E2F5: variants seen among roughly 807,000 people sequenced by gnomAD.
The protein encoded by E2F5 is E2F transcription factor 5.
A neutral mutation model predicts 39.1 loss-of-function variants in E2F5; 23 were observed. The ratio of observed to expected loss-of-function variants is 0.59; its 90% CI spans 0.42 to 0.83. The LOEUF (loss-of-function observed/expected upper bound fraction) is 0.83. Among genes scored for constraint, E2F5 ranks in the 40% least tolerant of loss-of-function variants. The probability of loss-of-function intolerance (pLI) is 0.00; values close to 1 mark genes in which losing one functional copy is unlikely to be tolerated. For missense variants in E2F5, 365 were observed against 406.7 expected (o/e 0.90, Z 0.88); for synonymous variants, 145 against 157.8 (o/e 0.92, Z 0.61).
Position 85,193,693 on chromosome 8 carries a change from G to A in E2F5, c.235-8454G>A, listed in dbSNP as rs4150900. 1.0e-2 allele frequency among the ~76,000 whole-genome samples: 1,519 copies of A among 152,202 alleles called. 29 individuals carry two copies. Among genetic ancestry groups the A allele is most frequent in the African/African-American group, 0.035 (1,455 of 41,522 alleles). On this transcript the variant is annotated intron_variant, in intron 1 of 7. Coordinates refer to ENST00000416274, the MANE Select transcript of E2F5 (RefSeq NM_001951.4). ...GCTCTGCTTTTTTTCCTGTGAATTA[G>A]AATACCCTTTTCTAGAGTTTCACGT...
chr8:85,209,021 A>G, intron 5 of E2F5, 121 bp from the exon 6 acceptor site: 2 of 1,005,048 alleles, frequency 2.0e-6, no homozygotes, highest in Non-Finnish European at 1.4e-6. Flanking sequence ...TGACTTAATG[A>G]CTTTATTGTG....
chr8:85,177,859 C>A, intron 1 of E2F5: 5 of 929,970 alleles, frequency 5.4e-6, no homozygotes, highest in Middle Eastern at 4.5e-4. Flanking sequence ...TGGCACCGAG[C>A]GGACGCGTAA....
At chr8:85,201,186 T>C (rs1041547748) in intron 1 of E2F5, among the ~76,000 whole-genome samples, 6 of 152,284 alleles carry the variant, frequency 3.9e-5, no homozygotes, top group African/African-American at 1.2e-4. Flanking sequence ...AAGAAAGTAG[T>C]GATGCTCTCT....
chr8:85,203,340 T>C, intron 3 of E2F5, 85 bp downstream of exon 3: 1 of 1,187,028 alleles, frequency 8.4e-7, no homozygotes, highest in Non-Finnish European at 1.1e-6. Context: ...TCATTCACTT[T>C]GTTTTTAGAC....
chr8:85,203,821 AT>A (rs1247905273), intron 3 of E2F5, among the ~76,000 whole-genome samples: 1 of 148,088 alleles, frequency 6.8e-6, no homozygotes, highest in African/African-American at 2.5e-5. Context: ...AATACATATA[AT>A]ATCATATATA....
rs759182267 is a variant in E2F5, at chr8:85,203,271, AG to A, written c.506+17del. On this transcript the variant is annotated intron_variant, in intron 3 of 7. Transcript: ENST00000416274. ...TTAATAATAGATATCCTTTTAAATA[AG>A]TTATGCATATACATATAGCTTTGGA... 1.9e-6 allele frequency: 3 copies of A among 1,571,112 alleles called. No homozygotes were observed. The East Asian group carries it at 6.9e-5, about 36-fold the overall frequency.
chr8:85,206,640 A>G (rs1258369735), intron 4 of E2F5, among the ~76,000 whole-genome samples: 3 of 152,204 alleles, frequency 2.0e-5, no homozygotes, highest in African/African-American at 7.2e-5. Flanking sequence ...TAAGGAAAGA[A>G]TTAGGTGAAT....
chr8:85,182,260 T>C (rs1375110345), intron 1 of E2F5, among the ~76,000 whole-genome samples: 1 of 152,196 alleles, frequency 6.6e-6, no homozygotes, highest in Non-Finnish European at 1.5e-5. Flanking sequence ...ATGCAAAACA[T>C]TTTACATGTT....
intron 5 of E2F5, 74 bp from the exon 6 acceptor site, chr8:85,209,066 CTG>C: frequency 6.9e-7 from 1 of 1,445,614 alleles, no homozygotes; most frequent in Non-Finnish European, 9.5e-7. Flanking sequence ...ATAGCTTTGC[CTG>C]TCTTATTGTA....
At chr8:85,194,598 G>A (rs1380867841) in intron 1 of E2F5, among the ~76,000 whole-genome samples, 3 of 144,940 alleles carry the variant, frequency 2.1e-5, no homozygotes, top group Non-Finnish European at 3.0e-5. Context: ...GCAGTGGTGC[G>A]ATCTCAGCTC....
At chr8:85,185,726 G>C (rs897624850) in intron 1 of E2F5, among the ~76,000 whole-genome samples, 30 of 152,184 alleles carry the variant, frequency 2.0e-4, no homozygotes, top group African/African-American at 7.2e-4. Flanking sequence ...CTCAAAAGAA[G>C]ACTTTTATGC....
Position 85,204,904 on chromosome 8 carries a change from G to C in E2F5, c.507-1273G>C, listed in dbSNP as rs142691042. Among the ~76,000 whole-genome samples the C allele has an allele frequency of 9.2e-5, 14 of 152,258 alleles. No homozygotes were observed. The East Asian group carries it at 2.5e-3, about 27-fold the overall frequency. On this transcript the variant is annotated intron_variant, in intron 3 of 7. Transcript: ENST00000416274. ...GAGCCCACCAAAATTATCCAAACTA[G>C]GCCAAATGCAGTGGCTCACGCCTGT...
intron 3 of E2F5, 86 bp from the exon 4 acceptor site, chr8:85,206,091 A>T: frequency 8.0e-7 from 1 of 1,252,122 alleles, no homozygotes; most frequent in Non-Finnish European, 1.2e-6. Context: ...ATGGTCATTT[A>T]GTTATTTTGA....
chr8:85,186,960 TA>T lies in E2F5; in HGVS notation c.234+9315del, dbSNP rs34683192. 6.7e-5 allele frequency among the ~76,000 whole-genome samples: 10 copies of T among 148,512 alleles called. No homozygotes were observed. In the South Asian group the frequency reaches 1.1e-3, roughly 16 times the overall value. ...TTAGTTTTCTCTAACAATCCAAGCATAAAAAAAAATCCCTGTTAGAACTGCT... is the reference window on the plus strand; with the variant it reads ...TTAGTTTTCTCTAACAATCCAAGCATAAAAAAAATCCCTGTTAGAACTGCT... On this transcript the variant is annotated intron_variant, in intron 1 of 7. Coordinates refer to ENST00000416274, the MANE Select transcript of E2F5 (RefSeq NM_001951.4).
At chr8:85,210,130 G>A (rs1212294073) in intron 6 of E2F5, among the ~76,000 whole-genome samples, 1 of 152,190 alleles carries the variant, frequency 6.6e-6, no homozygotes. Flanking sequence ...ACTACTGAAT[G>A]AATGAATGAA....
Position 85,177,636 on chromosome 8 carries a change from C to G in E2F5, c.216C>G (p.Gly72=). 2.3e-6 allele frequency: 3 copies of G among 1,294,492 alleles called. No individual in the cohort carries two copies. The highest frequency in any genetic ancestry group is 2.9e-6 in the Non-Finnish European group (3 of 1,016,974). 80.2% of individuals were successfully genotyped at this position (1,294,492 alleles called of 1,614,324 possible). The change falls in exon 1 of 8, where the codon GGC becomes GGG. Residue 72 remains glycine (G), a synonymous_variant. Coordinates refer to ENST00000416274, the MANE Select transcript of E2F5 (RefSeq NM_001951.4). ...FVSLLQEAKD[G]VLDLKAAADT... ...CGCTGCTGCAGGAGGCCAAGGACGG[C>G]GTTCTGGATCTCAAAGCGGTGAGCT... is the stretch of plus-strand genomic sequence containing the variant.
In E2F5 at chr8:85,213,996, A is replaced by G; in HGVS notation, c.*134A>G. 1 of 620,150 alleles carries G rather than the reference A, an allele frequency of 1.6e-6. No individual in the cohort carries two copies. The highest frequency in any genetic ancestry group is 2.8e-5 in the East Asian group (1 of 35,362). The allele number at this position is 620,150 out of a possible 1,614,324, so 38.4% of individuals were successfully genotyped here. A position where few individuals can be genotyped will look rare whatever the true frequency, so the allele number is the denominator to read the frequency against. ...TGATTCTGAAGTGTTCTTCCCTAAT[A>G]CTTTCTTTACTTCACAAAACTTCAA... is the stretch of plus-strand genomic sequence containing the variant. On this transcript the variant is annotated 3_prime_UTR_variant, in exon 8 of 8. Transcript: ENST00000416274.
intron 3 of E2F5, 96 bp downstream of exon 3, chr8:85,203,351 A>C: frequency 1.9e-6 from 2 of 1,050,582 alleles, no homozygotes; most frequent in Non-Finnish European, 2.5e-6. Context: ...GTTTTTAGAC[A>C]GTTAAGTTTT....
chr8:85,206,187 G>C lies in E2F5; in HGVS notation c.517G>C (p.Val173Leu). 6.2e-7 allele frequency: 1 copy of C among 1,613,098 alleles called. No individual in the cohort carries two copies. The highest frequency in any genetic ancestry group is 8.5e-7 in the Non-Finnish European group (1 of 1,179,584). Residue 173 changes from valine (V) to leucine (L), a missense_variant, in exon 4 of 8, where the codon GTA becomes CTA. By Grantham distance (32) the Val-to-Leu change is conservative (BLOSUM62 1). Coordinates refer to ENST00000416274, the MANE Select transcript of E2F5 (RefSeq NM_001951.4). ...DDSINNRFSY[V>L]THEDICNCFN... ...CTCCTATGACAGTACATTTTCCTAT[G>C]TAACTCATGAAGACATCTGTAATTG... is the stretch of plus-strand genomic sequence containing the variant.
Sources: gnomAD v4.1 joint callset for allele counts (sites outside exome capture counted in the v4.1 genomes callset) on GRCh38, gnomAD v4.1.1 for gene constraint, MANE v1.5 for transcripts, NCBI Gene and HGNC (gene_info 2026-07-23, HGNC 2026-07-21) for gene names.